Variants in FOXN3 observed in about 807,000 individuals in gnomAD.
The protein encoded by FOXN3 is forkhead box protein N3.
A neutral mutation model predicts 38.4 loss-of-function variants in FOXN3; 7 were observed. The ratio of observed to expected loss-of-function variants is 0.18; its 90% CI spans 0.10 to 0.34. The LOEUF (loss-of-function observed/expected upper bound fraction) is 0.34, where lower values mean the gene tolerates loss of function less well. Ranked by LOEUF, FOXN3 falls within the 10% of genes least tolerant of loss-of-function variation. The pLI, the probability that FOXN3 is intolerant of heterozygous loss-of-function variation, is 1.00. For missense variants in FOXN3, 456 were observed against 613.4 expected (o/e 0.74, Z 2.71); for synonymous variants, 230 against 242.2 (o/e 0.95, Z 0.47).
intron 3 of FOXN3, among the ~76,000 whole-genome samples, chr14:89,281,860 T>C (rs1886473115): frequency 6.6e-6 from 1 of 152,196 alleles, no homozygotes; most frequent in Non-Finnish European, 1.5e-5. Flanking sequence ...CAGTATAAAT[T>C]ACTCTCATCA....
intron 1 of FOXN3, among the ~76,000 whole-genome samples, chr14:89,612,016 G>A (rs1052294672): frequency 1.3e-5 from 2 of 151,906 alleles, no homozygotes; most frequent in Non-Finnish European, 1.5e-5. Context: ...TCAACCCTGG[G>A]ATAGAAACAG....
chr14:89,405,870 G>A (rs1207591064), intron 2 of FOXN3, among the ~76,000 whole-genome samples: 8 of 152,152 alleles, frequency 5.3e-5, no homozygotes, highest in Admixed American at 5.2e-4. Context: ...GCCTAGGCAA[G>A]CACCAGGGGT....
At chr14:89,213,238 G>C (rs2139833758) in intron 4 of FOXN3, among the ~76,000 whole-genome samples, 1 of 152,096 alleles carries the variant, frequency 6.6e-6, no homozygotes, top group East Asian at 1.9e-4. Context: ...CTTTCACCAA[G>C]GGCCTCATAA....
At chr14:89,575,515 A>T (rs1566705798) in intron 1 of FOXN3, among the ~76,000 whole-genome samples, 3 of 152,184 alleles carry the variant, frequency 2.0e-5, no homozygotes, top group Admixed American at 2.0e-4. Flanking sequence ...ATTCTCTGCA[A>T]AGCAAAAACC....
intron 1 of FOXN3, among the ~76,000 whole-genome samples, chr14:89,553,258 A>AG (rs1296469221): frequency 6.6e-6 from 1 of 150,406 alleles, no homozygotes; most frequent in East Asian, 1.9e-4. Flanking sequence ...AAAAAAAAAA[A>AG]AAAGACAATT....
intron 1 of FOXN3, among the ~76,000 whole-genome samples, chr14:89,477,766 C>T (rs1162743542): frequency 1.3e-5 from 2 of 152,070 alleles, no homozygotes; most frequent in Non-Finnish European, 2.9e-5. Context: ...AAGACAAAGA[C>T]CATGTATATT....
rs1026916593 is a variant in FOXN3 at position 89,369,863 on chromosome 14, G to A, written c.544-19055C>T. On this transcript the variant is annotated intron_variant, in intron 2 of 5. Transcript: ENST00000557258. ...TTGGGTGGGGACACAGAGTCAAACC[G>A]TATCAGAAAGTAAAGTTCAGACAAG... 4.6e-5 allele frequency among the ~76,000 whole-genome samples: 7 copies of A among 152,170 alleles called. No homozygotes were observed. The East Asian group carries it at 5.8e-4, about 13-fold the overall frequency.
intron 4 of FOXN3, among the ~76,000 whole-genome samples, chr14:89,216,409 T>C (rs576981165): frequency 9.0e-4 from 137 of 152,270 alleles, no homozygotes; most frequent in African/African-American, 8.2e-4. Flanking sequence ...CATCATAGAA[T>C]AGATGCATTC....
At chr14:89,464,609 T>C (rs1383820582) in intron 1 of FOXN3, among the ~76,000 whole-genome samples, 1 of 152,188 alleles carries the variant, frequency 6.6e-6, no homozygotes, top group Non-Finnish European at 1.5e-5. Context: ...ATTGCAGTTC[T>C]CATAATCCCC....
intron 3 of FOXN3, among the ~76,000 whole-genome samples, chr14:89,288,706 CTCTCTCTCTCTCTCTCTCTATATATA>C (rs1886738337): frequency 2.6e-4 from 23 of 87,704 alleles, no homozygotes; most frequent in Non-Finnish European, 3.6e-4. Context: ...CTCTCTCTCT[CTCTCTCTCTCTCTCTCTCTATATATA>C]TATATATATA....
intron 1 of FOXN3, among the ~76,000 whole-genome samples, chr14:89,487,792 C>T (rs1004648203): frequency 2.0e-5 from 3 of 151,978 alleles, no homozygotes; most frequent in East Asian, 1.9e-4. Flanking sequence ...TTTCTTATAA[C>T]GGCTGGAGAG....
At chr14:89,287,760 A>T (rs1390870076) in intron 3 of FOXN3, among the ~76,000 whole-genome samples, 1 of 151,912 alleles carries the variant, frequency 6.6e-6, no homozygotes, top group Non-Finnish European at 1.5e-5. Flanking sequence ...AAAAAAAAAA[A>T]AAAAAAAAAA....
At chr14:89,256,860 A>C (rs984465807) in intron 4 of FOXN3, among the ~76,000 whole-genome samples, 3 of 152,350 alleles carry the variant, frequency 2.0e-5, no homozygotes, top group Admixed American at 1.3e-4. Flanking sequence ...CTATGAGACC[A>C]CGGTTTGATA....
chr14:89,483,558 A>G (rs1893385824), intron 1 of FOXN3, among the ~76,000 whole-genome samples: 2 of 152,002 alleles, frequency 1.3e-5, no homozygotes, highest in South Asian at 4.2e-4. Context: ...ACAGGCACCC[A>G]CCATCACACC....
intron 4 of FOXN3, among the ~76,000 whole-genome samples, chr14:89,232,052 C>G (rs185360446): frequency 6.6e-6 from 1 of 152,204 alleles, no homozygotes; most frequent in South Asian, 2.1e-4. Flanking sequence ...CAGGGTGTCA[C>G]GTTTCCTAAC....
chr14:89,526,324 T>C (rs897185513), intron 1 of FOXN3, among the ~76,000 whole-genome samples: 4 of 152,030 alleles, frequency 2.6e-5, no homozygotes, highest in Non-Finnish European at 5.9e-5. Flanking sequence ...AGAAGGAAAA[T>C]TGTATTCAAA....
intron 1 of FOXN3, among the ~76,000 whole-genome samples, chr14:89,579,868 T>C (rs538080483): frequency 4.6e-5 from 7 of 152,242 alleles, no homozygotes; most frequent in East Asian, 3.9e-4. Flanking sequence ...AATTGAATCA[T>C]AGAAGGAACC....
At chr14:89,606,656 C>T (rs1896281816) in intron 1 of FOXN3, among the ~76,000 whole-genome samples, 1 of 152,110 alleles carries the variant, frequency 6.6e-6, no homozygotes, top group Non-Finnish European at 1.5e-5. Flanking sequence ...TCGAGACCAG[C>T]TTGGCCAACA....
chr14:89,397,340 T>C (rs1413740258), intron 2 of FOXN3, among the ~76,000 whole-genome samples: 1 of 151,636 alleles, frequency 6.6e-6, no homozygotes, highest in Non-Finnish European at 1.5e-5. Context: ...GTTACTAGGC[T>C]TATACCTAGG....
Sources: allele counts gnomAD v4.1 joint callset (sites outside exome capture counted in the v4.1 genomes callset), GRCh38; gene constraint gnomAD v4.1.1; transcripts MANE v1.5; gene names NCBI Gene and HGNC (gene_info 2026-07-23, HGNC 2026-07-21).